Variants in DLGAP1 observed in about 807,000 individuals in gnomAD.
DLGAP1 encodes disks large-associated protein 1.
Under a neutral mutation model 90.8 loss-of-function variants are expected in DLGAP1, and 11 were observed. The ratio of observed to expected loss-of-function variants is 0.12; its 90% CI spans 0.08 to 0.20. The LOEUF (loss-of-function observed/expected upper bound fraction) is 0.20. Among genes scored for constraint, DLGAP1 ranks in the 10% least tolerant of loss-of-function variants. The probability of loss-of-function intolerance (pLI) is 1.00; values close to 1 mark genes in which losing one functional copy is unlikely to be tolerated. For synonymous variants in DLGAP1, 558 were observed against 540.7 expected, an observed-to-expected ratio of 1.03 and a Z score of -0.44; for missense variants, 1,050 against 1,333.8, an observed-to-expected ratio of 0.79 and a Z score of 3.31.
Position 4,347,109 on chromosome 18 carries a change from C to A in DLGAP1, c.-267+107897G>T, listed in dbSNP as rs1332114743. 6.6e-5 allele frequency among the ~76,000 whole-genome samples: 10 copies of A among 152,118 alleles called. No homozygotes were observed. In the South Asian group the frequency reaches 2.1e-3, roughly 32 times the overall value. On this transcript the variant is annotated intron_variant, in intron 1 of 12. Transcript: ENST00000315677. Reference sequence around the variant, plus strand: ...CAAGTTTGAAAATTTAGATAAAAGACACAGTTTTCCAGAGAATCACGTGTA... The same window carrying A: ...CAAGTTTGAAAATTTAGATAAAAGAAACAGTTTTCCAGAGAATCACGTGTA...
chr18:3,624,047 T>G (rs9807676), intron 7 of DLGAP1, among the ~76,000 whole-genome samples: 6,844 of 152,186 alleles, frequency 0.045, 522 homozygotes, highest in African/African-American at 0.16. Flanking sequence ...AAGGCACATT[T>G]AGGCCCTTTC....
intron 2 of DLGAP1, among the ~76,000 whole-genome samples, chr18:4,043,794 ACGGGAC>A (rs2075010693): frequency 6.6e-6 from 1 of 152,180 alleles, no homozygotes; most frequent in African/African-American, 2.4e-5. Flanking sequence ...CATTGGAGCA[ACGGGAC>A]CAGCAAATCT....
intron 2 of DLGAP1, among the ~76,000 whole-genome samples, chr18:4,045,148 C>A (rs2075030265): frequency 1.3e-5 from 2 of 152,032 alleles, no homozygotes; most frequent in Admixed American, 1.3e-4. Context: ...CCACGCCGAG[C>A]CACTCTCATC....
At chr18:3,832,033 C>T (rs1427070391) in intron 4 of DLGAP1, among the ~76,000 whole-genome samples, 1 of 152,194 alleles carries the variant, frequency 6.6e-6, no homozygotes, top group African/African-American at 2.4e-5. Flanking sequence ...CACCAAGAAC[C>T]TAGATCATGC....
chr18:4,217,886 G>T (rs1465690651), intron 1 of DLGAP1, among the ~76,000 whole-genome samples: 1 of 151,964 alleles, frequency 6.6e-6, no homozygotes, highest in Non-Finnish European at 1.5e-5. Flanking sequence ...GTATAAAAAG[G>T]TTTTTTCTGA....
chr18:4,104,474 T>C lies in DLGAP1; in HGVS notation c.-159+46706A>G, dbSNP rs372936880. On this transcript the variant is annotated intron_variant, in intron 2 of 12. Transcript: ENST00000315677. ...CATCACTTATTTGTAGCATTTCTTT[T>C]TTCCCCTTTGATCAACCTTGCCAAG... is the stretch of plus-strand genomic sequence containing the variant. Among the ~76,000 whole-genome samples the C allele has an allele frequency of 5.6e-4, 85 of 152,296 alleles. 1 individual carries two copies. The South Asian group carries it at 0.015, about 27-fold the overall frequency.
At chr18:4,219,255 G>T (rs1456274401) in intron 1 of DLGAP1, among the ~76,000 whole-genome samples, 2 of 151,634 alleles carry the variant, frequency 1.3e-5, no homozygotes, top group Non-Finnish European at 2.9e-5. Context: ...TCATATATCT[G>T]TTGGCCATTT....
intron 9 of DLGAP1, among the ~76,000 whole-genome samples, chr18:3,541,337 A>G (rs980367553): frequency 2.0e-5 from 3 of 152,244 alleles, no homozygotes; most frequent in Admixed American, 6.5e-5. Flanking sequence ...ATCAGGAGTT[A>G]TGCCAAGTTT....
At chr18:4,193,103 C>G (rs1334361369) in intron 1 of DLGAP1, among the ~76,000 whole-genome samples, 3 of 152,170 alleles carry the variant, frequency 2.0e-5, no homozygotes, top group African/African-American at 7.2e-5. Context: ...CTGAATAGAA[C>G]TAGAATTCAG....
At chr18:4,398,028 G>A (rs1272947759) in intron 1 of DLGAP1, among the ~76,000 whole-genome samples, 1 of 152,164 alleles carries the variant, frequency 6.6e-6, no homozygotes, top group Non-Finnish European at 1.5e-5. Context: ...TGATCTATTA[G>A]TTAAGGGGTA....
At chr18:4,162,194 T>A (rs1047470992) in intron 1 of DLGAP1, among the ~76,000 whole-genome samples, 4 of 152,140 alleles carry the variant, frequency 2.6e-5, no homozygotes, top group African/African-American at 7.2e-5. Flanking sequence ...ATAAGGATGA[T>A]CCAAAGCGAT....
intron 2 of DLGAP1, among the ~76,000 whole-genome samples, chr18:4,103,891 A>G (rs2075819508): frequency 6.6e-6 from 1 of 152,206 alleles, no homozygotes; most frequent in Admixed American, 6.5e-5. Context: ...GTTCATATAA[A>G]TGGCACTTTG....
At chr18:3,683,786 A>G (rs1240772301) in intron 7 of DLGAP1, among the ~76,000 whole-genome samples, 4 of 152,200 alleles carry the variant, frequency 2.6e-5, no homozygotes. Context: ...GGTAAGAAAA[A>G]GGAAAGGAAA....
intron 1 of DLGAP1, among the ~76,000 whole-genome samples, chr18:4,394,145 A>C (rs2082393692): frequency 6.6e-6 from 1 of 151,508 alleles, no homozygotes; most frequent in African/African-American, 2.4e-5. Flanking sequence ...GGTGACAAGA[A>C]AGTTTCTGCA....
intron 4 of DLGAP1, among the ~76,000 whole-genome samples, chr18:3,855,536 G>A (rs773715481): frequency 6.6e-6 from 1 of 152,170 alleles, no homozygotes; most frequent in Non-Finnish European, 1.5e-5. Flanking sequence ...GGAATGCCAT[G>A]TGGAGGAGTA....
intron 1 of DLGAP1, among the ~76,000 whole-genome samples, chr18:4,343,197 C>T (rs984309940): frequency 4.6e-5 from 7 of 151,576 alleles, no homozygotes; most frequent in Admixed American, 1.3e-4. Flanking sequence ...GTCCCAGCTA[C>T]TCGGGAGGCT....
intron 2 of DLGAP1, among the ~76,000 whole-genome samples, chr18:4,095,290 C>A (rs1352302420): frequency 2.0e-5 from 3 of 152,286 alleles, no homozygotes; most frequent in African/African-American, 7.2e-5. Context: ...AACAGAGACA[C>A]TGGCCACCTT....
chr18:3,913,002 G>GA (rs1002761339), intron 3 of DLGAP1, among the ~76,000 whole-genome samples: 3 of 151,984 alleles, frequency 2.0e-5, no homozygotes, highest in African/African-American at 7.3e-5. Context: ...CACAGCTGAA[G>GA]AAAAAAAATA....
chr18:3,696,355 T>C (rs1257015287), intron 7 of DLGAP1, among the ~76,000 whole-genome samples: 3 of 152,214 alleles, frequency 2.0e-5, no homozygotes, highest in Non-Finnish European at 4.4e-5. Flanking sequence ...GCTCTTATTA[T>C]TTTGAGATAC....
Sources: allele counts gnomAD v4.1 joint callset (sites outside exome capture counted in the v4.1 genomes callset), GRCh38; gene constraint gnomAD v4.1.1; transcripts MANE v1.5; gene names NCBI Gene and HGNC (gene_info 2026-07-23, HGNC 2026-07-21).